DLG1: variants seen among roughly 807,000 people sequenced by gnomAD.
The protein encoded by DLG1 is discs large MAGUK scaffold protein 1.
Under a neutral mutation model 123.4 loss-of-function variants are expected in DLG1, and 42 were observed. That is an observed-to-expected ratio of 0.34 (90% CI 0.27 to 0.44). DLG1 has a LOEUF of 0.44. Among genes scored for constraint, DLG1 ranks in the 20% least tolerant of loss-of-function variants. DLG1 has a pLI of 1.00. For missense variants in DLG1, 942 were observed against 1,082.6 expected (o/e 0.87, Z 1.82); for synonymous variants, 317 against 356.2 (o/e 0.89, Z 1.24).
chr3:197,080,966 A>G (rs1432227463), intron 17 of DLG1, 85 bp downstream of exon 17: 6 of 1,299,502 alleles, frequency 4.6e-6, no homozygotes, highest in African/African-American at 1.5e-5. Context: ...ACTGATCATG[A>G]ATAATTCTGA....
At chr3:197,151,714 G>A (rs1300557483) in intron 5 of DLG1, among the ~76,000 whole-genome samples, 2 of 152,180 alleles carry the variant, frequency 1.3e-5, no homozygotes, top group African/African-American at 4.8e-5. Context: ...AGCTAAAGTA[G>A]TTGTGAAATA....
intron 8 of DLG1, 93 bp downstream of exon 8, chr3:197,140,047 G>C: frequency 7.3e-7 from 1 of 1,371,576 alleles, no homozygotes; most frequent in South Asian, 1.5e-5. Flanking sequence ...TATCATGATC[G>C]TGTTTGTTAT....
intron 4 of DLG1, among the ~76,000 whole-genome samples, chr3:197,233,548 G>A (rs369069821): frequency 1.3e-4 from 20 of 152,230 alleles, no homozygotes; most frequent in Non-Finnish European, 2.1e-4. Flanking sequence ...CACGATGCCC[G>A]GCTTTTTTGT....
In DLG1 at chr3:197,172,092, C is replaced by T. The variant is rs540813185; in HGVS notation, c.484-22296G>A. On this transcript the variant is annotated intron_variant, in intron 5 of 24. Transcript: ENST00000667157. ...CTCCAGAATACCATATACACTCATA[C>T]GTCACATATCAACATTTTGGTTAAT... Among the ~76,000 whole-genome samples, 14 of 152,152 alleles carry T rather than the reference C, an allele frequency of 9.2e-5. No homozygotes were observed. In the East Asian group the frequency reaches 1.3e-3, roughly 15 times the overall value.
chr3:197,228,056 T>G (rs1225232842), intron 4 of DLG1, among the ~76,000 whole-genome samples: 1 of 152,254 alleles, frequency 6.6e-6, no homozygotes, highest in African/African-American at 2.4e-5. Context: ...TTCTTTCATT[T>G]TAAAACTTTC....
At chr3:197,055,346 T>G (rs1730938212) in intron 23 of DLG1, among the ~76,000 whole-genome samples, 1 of 152,240 alleles carries the variant, frequency 6.6e-6, no homozygotes, top group Non-Finnish European at 1.5e-5. Context: ...AGTATAGTCT[T>G]TCTCAGGGAT....
chr3:197,283,879 T>G (rs1397546422), intron 3 of DLG1, among the ~76,000 whole-genome samples: 1 of 114,768 alleles, frequency 8.7e-6, no homozygotes, highest in African/African-American at 3.1e-5. Context: ...TTTTTTTTTT[T>G]GAGACAGAGT....
intron 14 of DLG1, among the ~76,000 whole-genome samples, chr3:197,093,480 C>T (rs1758901672): frequency 6.6e-6 from 1 of 152,052 alleles, no homozygotes. Flanking sequence ...CAGTAGAATA[C>T]ACATTTCCCT....
chr3:197,125,063 CAAGTGA>C (rs1684809087), intron 11 of DLG1, among the ~76,000 whole-genome samples: 1 of 152,106 alleles, frequency 6.6e-6, no homozygotes, highest in Non-Finnish European at 1.5e-5. Flanking sequence ...CATTAAAACA[CAAGTGA>C]AAGTCGAGTT....
intron 5 of DLG1, among the ~76,000 whole-genome samples, chr3:197,151,834 G>A (rs202018662): frequency 1.1e-5 from 1 of 89,656 alleles, no homozygotes; most frequent in East Asian, 2.4e-3. Flanking sequence ...CTTGAAACCA[G>A]GAGTTCAAAA....
chr3:197,047,875 A>C (rs897594049), intron 24 of DLG1, among the ~76,000 whole-genome samples: 2 of 152,208 alleles, frequency 1.3e-5, no homozygotes, highest in African/African-American at 4.8e-5. Flanking sequence ...GATTTTTTGG[A>C]AAGCACAGGC....
chr3:197,271,780 G>A (rs1764008077), intron 4 of DLG1, among the ~76,000 whole-genome samples: 3 of 152,132 alleles, frequency 2.0e-5, no homozygotes, highest in Admixed American at 6.5e-5. Flanking sequence ...TTACTCTTAC[G>A]AGATGCGTGC....
At chr3:197,175,212 A>G (rs1243190916) in intron 5 of DLG1, among the ~76,000 whole-genome samples, 1 of 152,194 alleles carries the variant, frequency 6.6e-6, no homozygotes, top group Non-Finnish European at 1.5e-5. Flanking sequence ...AAAGGTGGTA[A>G]CTGTAGGCTA....
intron 18 of DLG1, among the ~76,000 whole-genome samples, chr3:197,072,433 G>A (rs1279401597): frequency 6.6e-6 from 1 of 151,876 alleles, no homozygotes; most frequent in Non-Finnish European, 1.5e-5. Flanking sequence ...CTCCGTCATG[G>A]GTTTTCTTTT....
chr3:197,075,823 T>C (rs756506118), intron 18 of DLG1: 1 of 1,610,686 alleles, frequency 6.2e-7, no homozygotes, highest in South Asian at 1.1e-5. Flanking sequence ...CTTGGGAGTA[T>C]TTTGATCACT....
chr3:197,289,693 T>C (rs1374446196), intron 3 of DLG1, among the ~76,000 whole-genome samples: 1 of 152,186 alleles, frequency 6.6e-6, no homozygotes, highest in Non-Finnish European at 1.5e-5. Flanking sequence ...ACTAAGATAA[T>C]ACCACAATAG....
At chr3:197,110,464 GT>G in intron 13 of DLG1, among the ~76,000 whole-genome samples, 1 of 152,164 alleles carries the variant, frequency 6.6e-6, no homozygotes, top group East Asian at 1.9e-4. Flanking sequence ...AAAATACCTG[GT>G]TTAATGTCTT....
rs531416429 is a variant in DLG1, at chr3:197,088,891, A to T, written c.1661+2021T>A. 3.3e-5 allele frequency among the ~76,000 whole-genome samples: 5 copies of T among 152,370 alleles called. No individual in the cohort carries two copies. The East Asian group carries it at 9.6e-4, about 29-fold the overall frequency. On this transcript the variant is annotated intron_variant, in intron 15 of 24. Coordinates refer to ENST00000667157, the MANE Select transcript of DLG1 (RefSeq NM_001366207.1). Reference sequence around the variant, plus strand: ...TAGGGTACCACTCGACTGAGTCATGACAGCTATTGCATAGTCACATGACTG... The same window carrying T: ...TAGGGTACCACTCGACTGAGTCATGTCAGCTATTGCATAGTCACATGACTG...
intron 10 of DLG1, among the ~76,000 whole-genome samples, chr3:197,135,166 C>A (rs997987615): frequency 1.3e-5 from 2 of 152,190 alleles, no homozygotes; most frequent in African/African-American, 4.8e-5. Context: ...CCAAATAATA[C>A]CTTAGCACTT....
Sources: allele counts gnomAD v4.1 joint callset (sites outside exome capture counted in the v4.1 genomes callset), GRCh38; gene constraint gnomAD v4.1.1; transcripts MANE v1.5; gene names NCBI Gene and HGNC (gene_info 2026-07-23, HGNC 2026-07-21).